BYSL: variants seen among roughly 807,000 people sequenced by gnomAD.
The protein encoded by BYSL is bystin like, also known as bystin.
Under a neutral mutation model 45.4 loss-of-function variants are expected in BYSL, and 21 were observed. The ratio of observed to expected loss-of-function variants is 0.46; its 90% CI spans 0.33 to 0.67. The LOEUF is 0.67. BYSL is among the 30% of genes least tolerant of loss of function. The pLI, the probability that BYSL is intolerant of heterozygous loss-of-function variation, is 0.02. For missense variants in BYSL, 522 were observed against 578.5 expected (o/e 0.90, Z 1.00); for synonymous variants, 215 against 231.3 (o/e 0.93, Z 0.64).
At chr6:41,916,849 C>T, upstream of BYSL, 2 of 1,614,116 alleles carry the variant, frequency 1.2e-6, no homozygotes. Context: ...ATGTTCCTTG[C>T]TTCTCTGCCC....
chr6:41,931,576 G>T lies in BYSL; in HGVS notation c.865+20G>T. 1 of 1,614,120 alleles carries T rather than the reference G, an allele frequency of 6.2e-7. No homozygotes were observed. Among genetic ancestry groups the T allele is most frequent in the Non-Finnish European group, 8.5e-7 (1 of 1,179,992 alleles). ...TCAAAGGTGGGATCCCAGAGGCACGGAAGAAAGGGAAGGGCTGGAGCTTCT... is the reference window on the plus strand; with the variant it reads ...TCAAAGGTGGGATCCCAGAGGCACGTAAGAAAGGGAAGGGCTGGAGCTTCT... On this transcript the variant is annotated intron_variant, in intron 5 of 6. Coordinates refer to ENST00000230340, the MANE Select transcript of BYSL (RefSeq NM_004053.4).
In BYSL at chr6:41,931,844, G is replaced by C; in HGVS notation, c.968+14G>C. 6.2e-7 allele frequency: 1 copy of C among 1,603,256 alleles called. No individual in the cohort carries two copies. Among genetic ancestry groups the C allele is most frequent in the Non-Finnish European group, 8.5e-7 (1 of 1,170,194 alleles). On this transcript the variant is annotated intron_variant, in intron 6 of 6. Transcript: ENST00000230340. ...GTTGCACTCCAGGTAGTATTGCTGG[G>C]GGTGGAAGGGGGCTGGTCAGTGGAT...
chr6:41,921,878 G>A, intron 1 of BYSL, 48 bp downstream of exon 1: 11 of 1,561,606 alleles, frequency 7.0e-6, no homozygotes, highest in Non-Finnish European at 9.5e-6. Flanking sequence ...CAGTAGTGGG[G>A]CGGGGTGGGC....
rs186468167 is a variant in BYSL, at chr6:41,922,052, G to T, written c.268+222G>T. ...AGTTAGGCCAACAGTAATCGATCGC[G>T]CCACTAAGTGCTCCTAGCATGTATC... On this transcript the variant is annotated intron_variant, in intron 1 of 6. Coordinates refer to ENST00000230340, the MANE Select transcript of BYSL (RefSeq NM_004053.4). Among the ~76,000 whole-genome samples, 23 of 152,232 alleles carry T rather than the reference G, an allele frequency of 1.5e-4. No homozygotes were observed. The East Asian group carries it at 4.4e-3, about 29-fold the overall frequency.
chr6:41,925,336 A>G (rs1276998713), intron 1 of BYSL, among the ~76,000 whole-genome samples: 1 of 151,950 alleles, frequency 6.6e-6, no homozygotes, highest in African/African-American at 2.4e-5. Flanking sequence ...CCTTCCAAAA[A>G]CAGAAGTTAT....
intron 1 of BYSL, among the ~76,000 whole-genome samples, chr6:41,922,560 T>G (rs1300448904): frequency 6.6e-6 from 1 of 152,188 alleles, no homozygotes; most frequent in African/African-American, 2.4e-5. Flanking sequence ...ACATCAACAC[T>G]CCTGTTTTAC....
intron 1 of BYSL, 111 bp from the exon 2 acceptor site, chr6:41,927,263 G>A (rs1323754519): frequency 1.2e-5 from 16 of 1,332,928 alleles, no homozygotes; most frequent in Admixed American, 8.4e-5. Flanking sequence ...ACATACCTGC[G>A]TCTATCACAA....
chr6:41,921,964 A>G, intron 1 of BYSL, 134 bp downstream of exon 1: 1 of 1,309,772 alleles, frequency 7.6e-7, no homozygotes, highest in Non-Finnish European at 1.0e-6. Context: ...AGGAGACTGA[A>G]CCCTGTCTAG....
At chr6:41,924,993 C>G (rs911718633) in intron 1 of BYSL, among the ~76,000 whole-genome samples, 1 of 151,974 alleles carries the variant, frequency 6.6e-6, no homozygotes, top group Non-Finnish European at 1.5e-5. Context: ...ATTGGGTGGA[C>G]GATGGTGCCG....
the BYSL span, among the ~76,000 whole-genome samples, chr6:41,913,790 C>T: frequency 2.6e-5 from 4 of 151,870 alleles, no homozygotes; most frequent in African/African-American, 7.3e-5. Flanking sequence ...CCCAGCTACT[C>T]GGGAGGCTGA....
chr6:41,915,208 C>T, the BYSL span, among the ~76,000 whole-genome samples: 7 of 151,608 alleles, frequency 4.6e-5, no homozygotes, highest in Non-Finnish European at 1.0e-4. Flanking sequence ...CCTATGTTGG[C>T]AGATCCCTTG....
In BYSL at chr6:41,932,480, A is replaced by G; in HGVS notation, c.1088A>G (p.His363Arg). ...PYRVLDALVFHFLGFRTEKRE... is the reference protein window; with the variant it reads ...PYRVLDALVFRFLGFRTEKRE... ...CGGGTGCTGGATGCCCTAGTCTTCC[A>G]CTTCCTGGGGTTCCGGACAGAGAAG... The change falls in exon 7 of 7, where the codon CAC becomes CGC. Residue 363 changes from histidine (H) to arginine (R), a missense_variant. Coordinates refer to ENST00000230340, the MANE Select transcript of BYSL (RefSeq NM_004053.4). The surrounding 1 kb of genome is among the most constrained non-coding windows in gnomAD (Gnocchi z 4.7). 3.7e-6 allele frequency: 6 copies of G among 1,614,150 alleles called. No homozygotes were observed. The highest frequency in any genetic ancestry group is 5.1e-6 in the Non-Finnish European group (6 of 1,180,018).
At chr6:41,930,941 A>G (rs1033685480) in intron 4 of BYSL, among the ~76,000 whole-genome samples, 173 bp downstream of exon 4, 13 of 152,226 alleles carry the variant, frequency 8.5e-5, no homozygotes, top group African/African-American at 3.1e-4. Context: ...TTTTGGGGCC[A>G]AGACCCAGTT....
chr6:41,914,458 T>G, the BYSL span, among the ~76,000 whole-genome samples: 10 of 152,124 alleles, frequency 6.6e-5, no homozygotes, highest in Admixed American at 1.3e-4. Flanking sequence ...CAGTAACAGA[T>G]AGGTTGTGGG....
Position 41,932,753 on chromosome 6 carries a change from A to G in BYSL, c.*47A>G, listed in dbSNP as rs367570736. 1,072 of 1,550,894 alleles carry G rather than the reference A, an allele frequency of 6.9e-4. No homozygotes were observed. The highest frequency in any genetic ancestry group is 8.6e-4 in the Non-Finnish European group (986 of 1,143,046). The stretch of plus-strand genomic sequence containing the variant: ...GCCAAAGGGGTTTGGAAGGACACCA[A>G]GACCCCCGTTGGTGACTGAAGATGA... On this transcript the variant is annotated 3_prime_UTR_variant, in exon 7 of 7. Coordinates refer to ENST00000230340, the MANE Select transcript of BYSL (RefSeq NM_004053.4). This position sits in a 1 kb window ranked among gnomAD's most constrained non-coding sequence, Gnocchi z 4.7.
chr6:41,921,979 C>T (rs1775489055), intron 1 of BYSL, 149 bp downstream of exon 1: 2 of 1,233,906 alleles, frequency 1.6e-6, no homozygotes, highest in African/African-American at 1.5e-5. Flanking sequence ...GTCTAGAGCC[C>T]TCCGCGTCCA....
the BYSL span, among the ~76,000 whole-genome samples, chr6:41,915,057 T>A: frequency 1.3e-5 from 2 of 152,146 alleles, no homozygotes; most frequent in Non-Finnish European, 2.9e-5. Flanking sequence ...CTAACAAGTA[T>A]CCCAGGTGAT....
intron 1 of BYSL, among the ~76,000 whole-genome samples, chr6:41,925,364 A>ATT (rs778564177): frequency 1.2e-4 from 17 of 141,250 alleles, no homozygotes; most frequent in African/African-American, 2.3e-4. Flanking sequence ...GACTAACTTC[A>ATT]TTTTTTTTTT....
chr6:41,925,302 C>T (rs905643326), intron 1 of BYSL, among the ~76,000 whole-genome samples: 49 of 152,126 alleles, frequency 3.2e-4, no homozygotes, highest in African/African-American at 1.1e-3. Flanking sequence ...TATTAGACCC[C>T]TTTCCAGATG....
Sources: gnomAD v4.1 joint callset for allele counts (sites outside exome capture counted in the v4.1 genomes callset) on GRCh38, gnomAD v4.1.1 for gene constraint, Gnocchi (gnomAD v3.1) non-coding constraint, MANE v1.5 for transcripts, NCBI Gene and HGNC (gene_info 2026-07-23, HGNC 2026-07-21) for gene names.